The following MYRFL variants were observed in gnomAD, a reference collection of about 807,000 sequenced individuals.
MYRFL encodes the protein myelin regulatory factor like.
Under a neutral mutation model 109.4 loss-of-function variants are expected in MYRFL, and 88 were observed. The observed-to-expected ratio is 0.80, with a 90% confidence interval of 0.68 to 0.96. The LOEUF is 0.96. MYRFL is among the 40% of genes least tolerant of loss of function. The pLI is 0.00. For synonymous variants in MYRFL, 324 were observed against 320.9 expected (o/e 1.01, Z -0.10); for missense variants, 957 against 954.9 (o/e 1.00, Z -0.03).
At position 69,846,562 on chromosome 12, in the gene MYRFL, G is replaced by GTATAA. The variant is rs577857077; in HGVS notation, c.47-8714_47-8713insATATA. Among the ~76,000 whole-genome samples the GTATAA allele has an allele frequency of 4.7e-3, 708 of 152,052 alleles. 2 individuals are homozygous for GTATAA. Among genetic ancestry groups the GTATAA allele is most frequent in the Non-Finnish European group, 8.4e-3 (570 of 67,944 alleles). On this transcript the variant is annotated intron_variant, in intron 1 of 24. Transcript: ENST00000552032. ...TTATGGCTGCATAGTATTCCATGGTGTATATGTGCCACATTTTCTTAATCC... is the reference window on the plus strand; with the variant it reads ...TTATGGCTGCATAGTATTCCATGGTGTATAATATATGTGCCACATTTTCTTAATCC...
chr12:69,958,359 A>G, intron 24 of MYRFL, 36 bp downstream of exon 24: 1 of 1,527,280 alleles, frequency 6.5e-7, no homozygotes, highest in Non-Finnish European at 8.8e-7. Context: ...TCAGTGAGAA[A>G]GAAATTGAGC....
chr12:69,859,671 G>T (rs2136324003), intron 2 of MYRFL, among the ~76,000 whole-genome samples: 1 of 152,212 alleles, frequency 6.6e-6, no homozygotes, highest in East Asian at 1.9e-4. Context: ...ATGAAAAAAT[G>T]CTCATCATCA....
At chr12:69,865,555 G>A (rs1884970119) in intron 2 of MYRFL, among the ~76,000 whole-genome samples, 1 of 152,122 alleles carries the variant, frequency 6.6e-6, no homozygotes, top group Non-Finnish European at 1.5e-5. Context: ...GAGAAAAGGG[G>A]GTGAGAGACA....
intron 13 of MYRFL, among the ~76,000 whole-genome samples, chr12:69,918,274 A>C (rs1954811319): frequency 6.6e-6 from 1 of 152,124 alleles, no homozygotes. Context: ...TGGACTTTCA[A>C]GTTTGTATGG....
chr12:69,837,864 G>C (rs149890559), intron 1 of MYRFL, among the ~76,000 whole-genome samples: 2 of 151,986 alleles, frequency 1.3e-5, no homozygotes, highest in Non-Finnish European at 2.9e-5. Context: ...CCTTTTTTCC[G>C]TGTCTGTCTC....
intron 13 of MYRFL, among the ~76,000 whole-genome samples, chr12:69,911,872 A>G (rs1386811939): frequency 6.6e-6 from 1 of 152,196 alleles, no homozygotes; most frequent in East Asian, 1.9e-4. Context: ...CTGAACTTCA[A>G]AGTGCACATG....
intron 2 of MYRFL, among the ~76,000 whole-genome samples, chr12:69,877,855 G>C (rs1380416393): frequency 6.6e-6 from 1 of 152,184 alleles, no homozygotes; most frequent in East Asian, 1.9e-4. Context: ...GTATGATGCA[G>C]CATCACAGAG....
chr12:69,938,963 C>A (rs1955553213), intron 19 of MYRFL, among the ~76,000 whole-genome samples: 1 of 152,176 alleles, frequency 6.6e-6, no homozygotes, highest in Non-Finnish European at 1.5e-5. Flanking sequence ...TCACTCCCAC[C>A]CGAATACTGC....
intron 2 of MYRFL, among the ~76,000 whole-genome samples, chr12:69,863,138 T>C (rs1884796917): frequency 6.6e-6 from 1 of 152,094 alleles, no homozygotes; most frequent in African/African-American, 2.4e-5. Context: ...GATGTGCTGC[T>C]GGATTCGGTT....
At position 69,887,274 on chromosome 12, in the gene MYRFL, A is replaced by G. The variant is rs12296302; in HGVS notation, c.707+304A>G. Reference sequence around the variant, plus strand: ...TTAAACTAAAAACTGGAATATAAACATTCCCCAAATCACTAACACTTAATC... The same window carrying G: ...TTAAACTAAAAACTGGAATATAAACGTTCCCCAAATCACTAACACTTAATC... On this transcript the variant is annotated intron_variant, in intron 6 of 24. Coordinates refer to ENST00000552032, the MANE Select transcript of MYRFL (RefSeq NM_182530.3). 5.6e-3 allele frequency among the ~76,000 whole-genome samples: 860 copies of G among 152,316 alleles called. 9 individuals are homozygous for G. The highest frequency in any genetic ancestry group is 0.019 in the African/African-American group (801 of 41,562).
At chr12:69,840,481 A>G (rs1397985217) in intron 1 of MYRFL, among the ~76,000 whole-genome samples, 2 of 151,992 alleles carry the variant, frequency 1.3e-5, no homozygotes, top group Non-Finnish European at 2.9e-5. Flanking sequence ...CTCCTTCCAA[A>G]TGTCTGCTTG....
In MYRFL at chr12:69,903,792, T is replaced by TG; in HGVS notation, c.1335dup (p.Thr446AspfsTer7). The TG allele has an allele frequency of 6.5e-7, 1 of 1,535,600 alleles. No homozygotes were observed. The highest frequency in any genetic ancestry group is 8.7e-7 in the Non-Finnish European group (1 of 1,146,594). On this transcript the variant is annotated frameshift_variant, in exon 11 of 25. Transcript: ENST00000552032. LOFTEE classifies it high-confidence loss of function. Reference sequence around the variant, plus strand: ...GTTGTCTGTGGCAACATGAAAGTGATGGGGACCATCATGCATCCCTCTGAC... The same window carrying TG: ...GTTGTCTGTGGCAACATGAAAGTGATGGGGGACCATCATGCATCCCTCTGAC...
chr12:69,948,381 T>C (rs1286996365), intron 19 of MYRFL, among the ~76,000 whole-genome samples: 1 of 152,220 alleles, frequency 6.6e-6, no homozygotes, highest in East Asian at 1.9e-4. Context: ...ATTGTATTCA[T>C]AGGGTTCTAT....
At chr12:69,825,615 A>G (rs1203206881) in intron 1 of MYRFL, 52 bp downstream of exon 1, 3 of 692,102 alleles carry the variant, frequency 4.3e-6, no homozygotes, top group Non-Finnish European at 7.9e-6. Context: ...AATGCTCACT[A>G]TCCCTGTTTC....
intron 19 of MYRFL, among the ~76,000 whole-genome samples, chr12:69,943,503 C>A (rs1194985541): frequency 3.4e-4 from 50 of 149,046 alleles, no homozygotes; most frequent in African/African-American, 1.2e-3. Context: ...AAACTGGATC[C>A]CTTCCTTACA....
chr12:69,951,704 A>G (rs955129420), intron 19 of MYRFL, among the ~76,000 whole-genome samples: 1 of 152,210 alleles, frequency 6.6e-6, no homozygotes, highest in Admixed American at 6.5e-5. Context: ...CTGGGATTAC[A>G]GGCGTGAGCC....
intron 22 of MYRFL, among the ~76,000 whole-genome samples, chr12:69,957,464 G>A (rs543442963): frequency 5.9e-5 from 9 of 152,270 alleles, no homozygotes; most frequent in South Asian, 4.1e-4. Context: ...CCAGGCTAAC[G>A]TCTGTAATCC....
chr12:69,903,602 C>T, intron 10 of MYRFL, 42 bp from the exon 11 acceptor site: 2 of 1,519,984 alleles, frequency 1.3e-6, no homozygotes, highest in African/African-American at 2.7e-5. Context: ...TCTATTCCTG[C>T]TACTGTTACT....
At chr12:69,827,354 T>A (rs917532075) in intron 1 of MYRFL, among the ~76,000 whole-genome samples, 9 of 151,978 alleles carry the variant, frequency 5.9e-5, no homozygotes, top group Non-Finnish European at 8.8e-5. Context: ...TTTTTTTTTT[T>A]AAACTTCCAA....
Sources: allele counts gnomAD v4.1 joint callset (sites outside exome capture counted in the v4.1 genomes callset), GRCh38; gene constraint gnomAD v4.1.1; transcripts MANE v1.5; gene names NCBI Gene and HGNC (gene_info 2026-07-23, HGNC 2026-07-21).